The following COL1A2 variants were observed in gnomAD, a reference collection of about 807,000 sequenced individuals.
COL1A2 encodes the protein collagen type I alpha 2 chain.
COL1A2 carries 49 observed loss-of-function variants against 174.3 expected under a neutral mutation model. The ratio of observed to expected loss-of-function variants is 0.28; its 90% CI spans 0.22 to 0.36. The LOEUF (loss-of-function observed/expected upper bound fraction) is 0.36, where lower values mean the gene tolerates loss of function less well. Ranked by LOEUF, COL1A2 falls within the 10% of genes least tolerant of loss-of-function variation. The probability of loss-of-function intolerance (pLI) is 1.00; values close to 1 mark genes in which losing one functional copy is unlikely to be tolerated. For missense variants in COL1A2, 1,438 were observed against 1,822.7 expected, an observed-to-expected ratio of 0.79 and a Z score of 3.84; for synonymous variants, 655 against 606.6, an observed-to-expected ratio of 1.08 and a Z score of -1.17.
intron 23 of COL1A2, among the ~76,000 whole-genome samples, chr7:94,411,542 A>C (rs964278798): frequency 6.6e-6 from 1 of 152,178 alleles, no homozygotes; most frequent in African/African-American, 2.4e-5. Flanking sequence ...TTTCCTAGCA[A>C]TCACAAAGTG....
At chr7:94,404,486 A>C in intron 6 of COL1A2, 70 bp from the exon 7 acceptor site, 1 of 1,540,104 alleles carries the variant, frequency 6.5e-7, no homozygotes. Context: ...TAAGTTGGTC[A>C]TATCTGACCC....
rs745396382 is a variant in COL1A2, at chr7:94,427,678, G to A, written c.3319G>A (p.Gly1107Ser). 6.2e-7 allele frequency: 1 copy of A among 1,614,146 alleles called. No homozygotes were observed. Among genetic ancestry groups the A allele is most frequent in the Non-Finnish European group, 8.5e-7 (1 of 1,180,028 alleles). Residue 1107 changes from glycine (G) to serine (S), a missense_variant, in exon 49 of 52, where the codon GGT becomes AGT. Transcript: ENST00000297268. ...PPGPPGVSGG[G>S]YDFGYDGDFY... ...TGGACCTCCAGGTGTAAGCGGTGGT[G>A]GTTATGACTTTGGTTACGATGGAGA... is the stretch of plus-strand genomic sequence containing the variant.
chr7:94,395,348 C>A, intron 1 of COL1A2: 1 of 562,118 alleles, frequency 1.8e-6, no homozygotes, highest in Non-Finnish European at 3.3e-6. Flanking sequence ...TTAACTCGGT[C>A]TGGCTCCTCA....
Position 94,421,812 on chromosome 7 carries a change from T to A in COL1A2, c.2350-87T>A, listed in dbSNP as rs548326510. On this transcript the variant is annotated intron_variant, in intron 38 of 51. Coordinates refer to ENST00000297268, the MANE Select transcript of COL1A2 (RefSeq NM_000089.4). ...TTGGTCTATTCCTGGTCACATGTACTGATTTTCCAAAACAAAGAAATTCCC... is the reference window on the plus strand; with the variant it reads ...TTGGTCTATTCCTGGTCACATGTACAGATTTTCCAAAACAAAGAAATTCCC... 2.5e-5 allele frequency: 34 copies of A among 1,336,790 alleles called. No homozygotes were observed. In the African/African-American group the frequency reaches 3.4e-4, roughly 14 times the overall value. The allele number at this position is 1,336,790 out of a possible 1,614,324, so 82.8% of individuals were successfully genotyped here.
Position 94,404,492 on chromosome 7 carries a change from G to C in COL1A2, c.280-64G>C, listed in dbSNP as rs1791753197. On this transcript the variant is annotated intron_variant, in intron 6 of 51. Coordinates refer to ENST00000297268, the MANE Select transcript of COL1A2 (RefSeq NM_000089.4). ...TGGCACTGCTAAGTTGGTCATATCTGACCCCAGCCAACACCATGACAACTT... is the reference window on the plus strand; with the variant it reads ...TGGCACTGCTAAGTTGGTCATATCTCACCCCAGCCAACACCATGACAACTT... 5 of 1,566,986 alleles carry C rather than the reference G, an allele frequency of 3.2e-6. No homozygotes were observed. The Admixed American group carries it at 8.3e-5, about 26-fold the overall frequency.
intron 1 of COL1A2, among the ~76,000 whole-genome samples, chr7:94,397,292 A>G (rs41317864): frequency 1.6e-4 from 24 of 152,284 alleles, no homozygotes; most frequent in East Asian, 5.8e-4. Context: ...AACAAATTCA[A>G]TATAGAATTT....
At chr7:94,410,563 A>G (rs1383479911) in intron 21 of COL1A2, 36 bp downstream of exon 21, 3 of 1,498,300 alleles carry the variant, frequency 2.0e-6, no homozygotes, top group African/African-American at 2.8e-5. Flanking sequence ...CTAACACACC[A>G]GAGGCAGATT....
Position 94,418,563 on chromosome 7 carries a change from T to C in COL1A2, c.2025+11T>C. 1 of 1,611,070 alleles carries C rather than the reference T, an allele frequency of 6.2e-7. No individual in the cohort carries two copies. The highest frequency in any genetic ancestry group is 8.5e-7 in the Non-Finnish European group (1 of 1,179,200). On this transcript the variant is annotated intron_variant, in intron 33 of 51. Coordinates refer to ENST00000297268, the MANE Select transcript of COL1A2 (RefSeq NM_000089.4). The stretch of plus-strand genomic sequence containing the variant: ...AGAGATGGTGCTCGTGTGAGTAGAA[T>C]TTTGTTTGTATGTTTCTTCGTACTT...
rs1478562243 is a variant in COL1A2 at position 94,426,072 on chromosome 7, T to A, written c.2997+21T>A. ...CTAGTGTATGTACATGCTGAAGATT[T>A]CTTTGCAACACTAACATTTAGAGAG... On this transcript the variant is annotated intron_variant, in intron 45 of 51. Coordinates refer to ENST00000297268, the MANE Select transcript of COL1A2 (RefSeq NM_000089.4). 1.0e-5 allele frequency: 16 copies of A among 1,604,048 alleles called. No homozygotes were observed. The Admixed American group carries it at 2.7e-4, about 27-fold the overall frequency.
At chr7:94,427,562 T>C (rs1792304862) in intron 48 of COL1A2, 65 bp from the exon 49 acceptor site, 3 of 1,573,340 alleles carry the variant, frequency 1.9e-6, no homozygotes, top group South Asian at 1.1e-5. Context: ...GAAAATCTGC[T>C]GCCATGGATG....
At chr7:94,414,399 A>C in intron 29 of COL1A2, 124 bp downstream of exon 29, 4 of 879,470 alleles carry the variant, frequency 4.5e-6, no homozygotes, top group Non-Finnish European at 7.4e-6. Context: ...TGTTAATGAT[A>C]GTGTTTTACA....
intron 31 of COL1A2, 55 bp from the exon 32 acceptor site, chr7:94,417,669 T>G: frequency 2.1e-6 from 3 of 1,411,826 alleles, no homozygotes; most frequent in East Asian, 2.5e-5. Context: ...TAGAGTTTGA[T>G]TCTTCATTTT....
chr7:94,420,932 A>G, intron 37 of COL1A2, 77 bp from the exon 38 acceptor site: 15 of 1,363,414 alleles, frequency 1.1e-5, no homozygotes, highest in Non-Finnish European at 1.5e-5. Flanking sequence ...AGATGCGGGA[A>G]TGATCCACTT....
rs1379125902 is a variant in COL1A2, at chr7:94,416,516, G to A, written c.1863+13G>A. 1.3e-6 allele frequency: 2 copies of A among 1,551,654 alleles called. No homozygotes were observed. ...TGATGGAAACAAGGTAAAATCTTAT[G>A]TTTTCTATATTGCTGGTTTGGCCCA... On this transcript the variant is annotated intron_variant, in intron 31 of 51. Coordinates refer to ENST00000297268, the MANE Select transcript of COL1A2 (RefSeq NM_000089.4).
At chr7:94,396,314 T>TTGTGTGTGTGTG (rs60833112) in intron 1 of COL1A2, among the ~76,000 whole-genome samples, 39 of 149,748 alleles carry the variant, frequency 2.6e-4, no homozygotes, top group African/African-American at 7.1e-4. Flanking sequence ...ATTTGTGTGC[T>TTGTGTGTGTGTG]TGTGTGTGTG....
At chr7:94,401,812 G>A (rs1480087630) in intron 6 of COL1A2, among the ~76,000 whole-genome samples, 192 bp downstream of exon 6, 1 of 151,922 alleles carries the variant, frequency 6.6e-6, no homozygotes, top group Admixed American at 6.6e-5. Context: ...ACAAAAGAAA[G>A]ATTAATTGAT....
rs759527558 is a variant in COL1A2, at chr7:94,405,743, C to A, written c.540+17C>A. On this transcript the variant is annotated intron_variant, in intron 11 of 51. Transcript: ENST00000297268. ...GGCATTAGGGTGAGCACATTCTTTA[C>A]TCAGAAGAGAGAAAATGCCTATTAA... The A allele has an allele frequency of 1.2e-6, 2 of 1,606,682 alleles. No homozygotes were observed. The highest frequency in any genetic ancestry group is 1.7e-5 in the Admixed American group (1 of 60,004).
chr7:94,428,705 G>GA (rs1792337374), intron 50 of COL1A2, among the ~76,000 whole-genome samples: 1 of 152,144 alleles, frequency 6.6e-6, no homozygotes, highest in African/African-American at 2.4e-5. Flanking sequence ...GGTAATCATT[G>GA]AAAAAACTGA....
At chr7:94,402,905 CCCA>C (rs1791715471) in intron 6 of COL1A2, among the ~76,000 whole-genome samples, 2 of 152,092 alleles carry the variant, frequency 1.3e-5, no homozygotes, top group South Asian at 4.1e-4. Flanking sequence ...AATTAAAACT[CCCA>C]CTTGAGAAAT....
Sources: gnomAD v4.1 joint callset for allele counts (sites outside exome capture counted in the v4.1 genomes callset) on GRCh38, gnomAD v4.1.1 for gene constraint, MANE v1.5 for transcripts, NCBI Gene and HGNC (gene_info 2026-07-23, HGNC 2026-07-21) for gene names.